The following ASTN2 variants were observed in gnomAD, a reference collection of about 807,000 sequenced individuals.
The protein encoded by ASTN2 is astrotactin 2.
Under a neutral mutation model 139.8 loss-of-function variants are expected in ASTN2, and 54 were observed. The observed-to-expected ratio is 0.39, with a 90% CI of 0.31 to 0.48. The LOEUF (loss-of-function observed/expected upper bound fraction) is 0.48, where lower values mean the gene tolerates loss of function less well. Among genes scored for constraint, ASTN2 ranks in the 20% least tolerant of loss-of-function variants. The probability of loss-of-function intolerance (pLI) is 0.95; values close to 1 mark genes in which losing one functional copy is unlikely to be tolerated. For missense variants in ASTN2, 1,565 were observed against 1,725.1 expected (o/e 0.91, Z 1.64); for synonymous variants, 756 against 719.5 (o/e 1.05, Z -0.81).
chr9:116,538,325 G>A (rs143145642), intron 19 of ASTN2, among the ~76,000 whole-genome samples: 62 of 152,052 alleles, frequency 4.1e-4, no homozygotes, highest in African/African-American at 1.5e-3. Context: ...AGGGAGGGAG[G>A]AAGCAAGGAA....
intron 3 of ASTN2, among the ~76,000 whole-genome samples, chr9:117,175,969 CCTA>C (rs1367305947): frequency 6.6e-6 from 1 of 151,400 alleles, no homozygotes; most frequent in African/African-American, 2.4e-5. Flanking sequence ...ATGACAAAGG[CCTA>C]CTTATGTTTT....
intron 14 of ASTN2, among the ~76,000 whole-genome samples, chr9:116,730,230 G>C: frequency 6.6e-6 from 1 of 152,050 alleles, no homozygotes; most frequent in East Asian, 1.9e-4. Flanking sequence ...CTTGTCCCCT[G>C]GTGAGTAGGC....
At chr9:116,684,647 G>A (rs1357192139) in intron 16 of ASTN2, among the ~76,000 whole-genome samples, 1 of 152,094 alleles carries the variant, frequency 6.6e-6, no homozygotes, top group African/African-American at 2.4e-5. Flanking sequence ...TGCATGAGTC[G>A]CTCAGACACT....
chr9:117,303,802 G>A (rs1356459361), intron 1 of ASTN2, among the ~76,000 whole-genome samples: 1 of 152,202 alleles, frequency 6.6e-6, no homozygotes, highest in Non-Finnish European at 1.5e-5. Context: ...AGGTGAGTCT[G>A]TTTTTCCTCC....
intron 10 of ASTN2, among the ~76,000 whole-genome samples, chr9:116,963,948 T>G (rs190249375): frequency 2.6e-5 from 4 of 152,232 alleles, no homozygotes; most frequent in Non-Finnish European, 5.9e-5. Context: ...CCTCTCCATG[T>G]TTTTGTAACT....
chr9:116,949,191 C>A (rs918329460), intron 10 of ASTN2, among the ~76,000 whole-genome samples: 2 of 152,028 alleles, frequency 1.3e-5, no homozygotes, highest in African/African-American at 4.8e-5. Context: ...CAAGGTCAAC[C>A]AAGTCTGGCA....
intron 11 of ASTN2, among the ~76,000 whole-genome samples, chr9:116,836,642 T>C (rs914561654): frequency 1.3e-5 from 2 of 152,098 alleles, no homozygotes; most frequent in Admixed American, 6.5e-5. Context: ...ATTTCTGAGC[T>C]GCAGGCTCCT....
chr9:117,074,225 C>T (rs1345149874), intron 5 of ASTN2, among the ~76,000 whole-genome samples: 4 of 152,146 alleles, frequency 2.6e-5, no homozygotes, highest in African/African-American at 9.7e-5. Flanking sequence ...GAGCAAGTCA[C>T]TGCCCCATGT....
At chr9:116,696,427 A>C (rs1225304450) in intron 16 of ASTN2, among the ~76,000 whole-genome samples, 6 of 152,246 alleles carry the variant, frequency 3.9e-5, no homozygotes, top group Non-Finnish European at 8.8e-5. Context: ...AAATGCATAG[A>C]GTTTAAGTAT....
At chr9:117,255,731 T>A (rs1308771678) in intron 2 of ASTN2, among the ~76,000 whole-genome samples, 1 of 152,114 alleles carries the variant, frequency 6.6e-6, no homozygotes, top group Non-Finnish European at 1.5e-5. Context: ...GAACACAGAA[T>A]GTATGACAAA....
intron 10 of ASTN2, among the ~76,000 whole-genome samples, chr9:116,887,299 A>G (rs1475118414): frequency 6.6e-6 from 1 of 152,062 alleles, no homozygotes; most frequent in Non-Finnish European, 1.5e-5. Flanking sequence ...AGAGCAGGGT[A>G]AGTGAAAGAA....
At chr9:116,655,696 A>AT (rs1005345513) in intron 16 of ASTN2, among the ~76,000 whole-genome samples, 3 of 151,818 alleles carry the variant, frequency 2.0e-5, no homozygotes, top group Admixed American at 6.6e-5. Flanking sequence ...GTACACCAAG[A>AT]TTTTTTTTAT....
chr9:116,504,578 A>C (rs941468923), intron 19 of ASTN2, among the ~76,000 whole-genome samples: 1 of 152,188 alleles, frequency 6.6e-6, no homozygotes, highest in African/African-American at 2.4e-5. Flanking sequence ...TTACACTCTC[A>C]AGTAATAATA....
chr9:116,846,317 C>T (rs1287552733), intron 11 of ASTN2, among the ~76,000 whole-genome samples: 1 of 152,150 alleles, frequency 6.6e-6, no homozygotes, highest in Non-Finnish European at 1.5e-5. Flanking sequence ...CTGTTCACTT[C>T]AAATGCTTAA....
intron 3 of ASTN2, among the ~76,000 whole-genome samples, chr9:117,146,211 A>T (rs1830191592): frequency 6.6e-6 from 1 of 152,090 alleles, no homozygotes; most frequent in South Asian, 2.1e-4. Flanking sequence ...ACCTCCTGGT[A>T]CCCGCTGAGC....
rs73655522 is a variant in ASTN2 at position 116,918,376 on chromosome 9, T to A, written c.1890-54643A>T. Among the ~76,000 whole-genome samples, 1,114 of 152,238 alleles carry A rather than the reference T, an allele frequency of 7.3e-3. 16 individuals carry two copies. The highest frequency in any genetic ancestry group is 0.026 in the African/African-American group (1,078 of 41,532). On this transcript the variant is annotated intron_variant, in intron 10 of 22. Coordinates refer to ENST00000313400, the MANE Select transcript of ASTN2 (RefSeq NM_001365068.1). ...AGACAATGAAATTTCCTGTCCTGTG[T>A]CACAGTCTTGAGGCTGGGGGATGGA...
intron 1 of ASTN2, among the ~76,000 whole-genome samples, chr9:117,360,055 A>T (rs1199824260): frequency 6.6e-6 from 1 of 152,172 alleles, no homozygotes. Flanking sequence ...AAGCCAATGA[A>T]GATCTTATTG....
intron 19 of ASTN2, among the ~76,000 whole-genome samples, chr9:116,511,579 T>C (rs2119188992): frequency 1.3e-5 from 2 of 152,330 alleles, no homozygotes; most frequent in East Asian, 1.9e-4. Context: ...GAAGGAATGG[T>C]ACGAGCTCTG....
chr9:116,710,078 T>A (rs923772913), intron 16 of ASTN2, among the ~76,000 whole-genome samples: 1 of 152,162 alleles, frequency 6.6e-6, no homozygotes, highest in Admixed American at 6.5e-5. Flanking sequence ...GGAAAACTGA[T>A]AGGGAAGCCT....
Sources: allele counts gnomAD v4.1 joint callset (sites outside exome capture counted in the v4.1 genomes callset), GRCh38; gene constraint gnomAD v4.1.1; transcripts MANE v1.5; gene names NCBI Gene and HGNC (gene_info 2026-07-23, HGNC 2026-07-21).